Variants in KANK2 observed in about 807,000 individuals in gnomAD.
The protein encoded by KANK2 is KN motif and ankyrin repeat domain-containing protein 2.
Under a neutral mutation model 74.6 loss-of-function variants are expected in KANK2, and 41 were observed. That is an observed-to-expected ratio of 0.55 (90% CI 0.43 to 0.71). KANK2 has a LOEUF of 0.71. Ranked by LOEUF, KANK2 falls within the 30% of genes least tolerant of loss-of-function variation. The pLI, the probability that KANK2 is intolerant of heterozygous loss-of-function variation, is 0.00. For missense variants in KANK2, 1,148 were observed against 1,196.4 expected (o/e 0.96, Z 0.60); for synonymous variants, 537 against 519.0 (o/e 1.03, Z -0.47).
rs1161007953 is a variant in KANK2, at chr19:11,193,881, G to A, written c.199C>T (p.Arg67Cys). The A allele has an allele frequency of 2.5e-6, 4 of 1,613,372 alleles. No individual in the cohort carries two copies. The highest frequency in any genetic ancestry group is 2.2e-5 in the East Asian group (1 of 44,890). Residue 67 changes from arginine (R) to cysteine (C), a missense_variant, in exon 4 of 13, where the codon CGC (arginine) becomes TGC (cysteine). By Grantham distance (180) the Arg-to-Cys change is radical. Coordinates refer to ENST00000586659, the MANE Select transcript of KANK2 (RefSeq NM_001136191.3). The surrounding 1 kb of genome is among the most constrained non-coding windows in gnomAD (Gnocchi z 9.6). ...CGGGGCAGCGAGCTCAGGCGGGGGC[G>A]GCGCTGCACTGCCACGCGTCGCAGC... ...HTLRRVAVQRRPRLSSLPRGP... is the reference protein window; with the variant it reads ...HTLRRVAVQRCPRLSSLPRGP...
Position 11,166,498 on chromosome 19 carries a change from A to T in KANK2, c.*60T>A. The T allele has an allele frequency of 6.7e-7, 1 of 1,484,368 alleles. No individual in the cohort carries two copies. Among genetic ancestry groups the T allele is most frequent in the Non-Finnish European group, 9.4e-7 (1 of 1,062,640 alleles). 91.9% of individuals were successfully genotyped at this position (1,484,368 alleles called of 1,614,324 possible). On this transcript the variant is annotated 3_prime_UTR_variant, in exon 13 of 13. Coordinates refer to ENST00000586659, the MANE Select transcript of KANK2 (RefSeq NM_001136191.3). ...GGGCCAGGGAGGAACGGGAACAGGG[A>T]GGAGACGGGGACAAGGGACGGTTTG...
At position 11,194,500 on chromosome 19, in the gene KANK2, G is replaced by A. The variant is rs749517953; in HGVS notation, c.12C>T (p.Val4=). 7 of 1,612,670 alleles carry A rather than the reference G, an allele frequency of 4.3e-6. No individual in the cohort carries two copies. In the Admixed American group the frequency reaches 1.0e-4, roughly 23 times the overall value. ...CTGGGAAGGGAGCAGGCACGTGCAG[G>A]ACCTGGGCCATCTTCTTTTCTACAG... is the stretch of plus-strand genomic sequence containing the variant. The part of the protein sequence containing the change: MAQ[V]LHVPAPFPGT... Residue 4 remains valine (V), a synonymous_variant, in exon 3 of 13, where the codon GTC becomes GTT. Transcript: ENST00000586659.
intron 10 of KANK2, among the ~76,000 whole-genome samples, chr19:11,171,045 C>T (rs1435144862): frequency 1.3e-5 from 2 of 152,152 alleles, no homozygotes; most frequent in Admixed American, 6.6e-5. Flanking sequence ...TGGTCTCAAT[C>T]TCTTCACCTC....
At chr19:11,173,482 C>T (rs1421683085) in intron 9 of KANK2, among the ~76,000 whole-genome samples, 1 of 152,130 alleles carries the variant, frequency 6.6e-6, no homozygotes, top group East Asian at 1.9e-4. Context: ...GAGGCTGTCT[C>T]CCCCAGTAGG....
At chr19:11,169,075 C>T (rs1203995798) in intron 12 of KANK2, among the ~76,000 whole-genome samples, 5 of 152,146 alleles carry the variant, frequency 3.3e-5, no homozygotes, top group African/African-American at 4.8e-5. Flanking sequence ...CAGTGGCTCA[C>T]GCCTGTAATC....
intron 6 of KANK2, among the ~76,000 whole-genome samples, chr19:11,177,128 C>T (rs1433186747): frequency 8.8e-6 from 1 of 113,680 alleles, no homozygotes; most frequent in Non-Finnish European, 1.7e-5. Flanking sequence ...TGGAGTCTTG[C>T]TCTGTTGCCC....
At chr19:11,167,766 G>T (rs2078063061) in intron 12 of KANK2, among the ~76,000 whole-genome samples, 2 of 151,850 alleles carry the variant, frequency 1.3e-5, no homozygotes, top group Admixed American at 1.3e-4. Context: ...GACCTCAGGT[G>T]ATCTGCCCGC....
At position 11,171,440 on chromosome 19, in the gene KANK2, C is replaced by T. The variant is rs183933821; in HGVS notation, c.2212-1192G>A. 3.9e-3 allele frequency among the ~76,000 whole-genome samples: 587 copies of T among 150,858 alleles called. 3 individuals are homozygous for T. The highest frequency in any genetic ancestry group is 0.013 in the African/African-American group (553 of 41,050). Reference sequence around the variant, plus strand: ...CCAGCCTGGGTGACACAGTGAGACCCTGTCTCAAAAAAATAAAAAATAGAG... The same window carrying T: ...CCAGCCTGGGTGACACAGTGAGACCTTGTCTCAAAAAAATAAAAAATAGAG... On this transcript the variant is annotated intron_variant, in intron 10 of 12. Coordinates refer to ENST00000586659, the MANE Select transcript of KANK2 (RefSeq NM_001136191.3).
intron 8 of KANK2, among the ~76,000 whole-genome samples, chr19:11,175,145 G>T (rs2078297698): frequency 6.6e-6 from 1 of 151,788 alleles, no homozygotes; most frequent in Non-Finnish European, 1.5e-5. Context: ...AATTTGTAGA[G>T]GCTGAGTGCA....
At chr19:11,175,756 G>A in intron 8 of KANK2, 146 bp downstream of exon 8, 2 of 551,762 alleles carry the variant, frequency 3.6e-6, no homozygotes, top group Non-Finnish European at 6.4e-6. Context: ...CATGACTTGA[G>A]CACCACCACC....
In KANK2 at chr19:11,164,962, C is replaced by G. The variant is rs2077991130; in HGVS notation, c.*1596G>C. ...TGGCTTTAAAGCCTTGGAGGCTGAG[C>G]TCACTGGCCTCGAAAGGGCAGCGCG... is the stretch of plus-strand genomic sequence containing the variant. On this transcript the variant is annotated 3_prime_UTR_variant, in exon 13 of 13. Transcript: ENST00000586659. 1 of 152,154 alleles carries G rather than the reference C, an allele frequency of 6.6e-6. No individual in the cohort carries two copies. The highest frequency in any genetic ancestry group is 1.5e-5 in the Non-Finnish European group (1 of 68,042). 9.4% of individuals were successfully genotyped at this position (152,154 alleles called of 1,614,324 possible).
At chr19:11,194,180 A>T in intron 3 of KANK2, 138 bp from the exon 4 acceptor site, 1 of 913,464 alleles carries the variant, frequency 1.1e-6, no homozygotes, top group Non-Finnish European at 1.6e-6. Context: ...GTCTGCTCTC[A>T]GACCCTCCAG....
intron 6 of KANK2, among the ~76,000 whole-genome samples, chr19:11,177,093 CTT>C (rs33941817): frequency 4.8e-5 from 5 of 104,764 alleles, no homozygotes; most frequent in Non-Finnish European, 5.4e-5. Context: ...ACTCACCCTC[CTT>C]TTTTTTTTTT....
Position 11,170,355 on chromosome 19 carries a change from CCCT to C in KANK2, c.2212-110_2212-108del. The C allele has an allele frequency of 1.2e-6, 1 of 828,854 alleles. No homozygotes were observed. The highest frequency in any genetic ancestry group is 2.4e-5 in the Admixed American group (1 of 40,822). 51.3% of individuals were successfully genotyped at this position (828,854 alleles called of 1,614,324 possible). On this transcript the variant is annotated intron_variant, in intron 10 of 12. Coordinates refer to ENST00000586659, the MANE Select transcript of KANK2 (RefSeq NM_001136191.3). The surrounding 1 kb of genome is among the most constrained non-coding windows in gnomAD (Gnocchi z 5.2). ...CCACATACTCTGATGGTGAAATGTA[CCCT>C]CAACTTGCTGATCTCCTCCTGAATC...
chr19:11,185,988 G>A (rs1173081379), intron 4 of KANK2, among the ~76,000 whole-genome samples: 1 of 152,204 alleles, frequency 6.6e-6, no homozygotes, highest in Non-Finnish European at 1.5e-5. Context: ...CTGTGACTGT[G>A]CCACTGCACT....
rs373160813 is a variant in KANK2 at position 11,193,834 on chromosome 19, C to T, written c.246G>A (p.Thr82=). Residue 82 remains threonine, a synonymous_variant, in exon 4 of 13, where the codon ACG becomes ACA. Transcript: ENST00000586659. The surrounding 1 kb of genome is among the most constrained non-coding windows in gnomAD (Gnocchi z 9.6). ...SLPRGPGSWW[T]STESLCSNAS... is the part of the protein sequence containing the mutation. ...CATTGGAGCACAGCGACTCAGTGGA[C>T]GTCCACCAGGAGCCAGGGCCACGGG... 2.3e-5 allele frequency: 37 copies of T among 1,612,544 alleles called. No individual in the cohort carries two copies. Among genetic ancestry groups the T allele is most frequent in the African/African-American group, 6.7e-5 (5 of 74,908 alleles).
At chr19:11,183,796 G>A (rs2078598339) in intron 4 of KANK2, among the ~76,000 whole-genome samples, 1 of 151,872 alleles carries the variant, frequency 6.6e-6, no homozygotes, top group Non-Finnish European at 1.5e-5. Flanking sequence ...GATTACAAGT[G>A]CCCGCTACCA....
At chr19:11,186,484 G>A (rs920636391) in intron 4 of KANK2, among the ~76,000 whole-genome samples, 3 of 152,094 alleles carry the variant, frequency 2.0e-5, no homozygotes, top group Admixed American at 6.6e-5. Context: ...GATCAACTGA[G>A]GTCAGGAGTT....
chr19:11,164,708 A>G lies in KANK2; in HGVS notation c.*1850T>C, dbSNP rs1234173254. 8.4e-5 allele frequency: 7 copies of G among 82,874 alleles called. No homozygotes were observed. Among genetic ancestry groups the G allele is most frequent in the African/African-American group, 3.6e-4 (7 of 19,232 alleles). 5.1% of individuals were successfully genotyped at this position (82,874 alleles called of 1,614,324 possible). A position where few individuals can be genotyped will look rare whatever the true frequency, so the allele number is the denominator to read the frequency against. The stretch of plus-strand genomic sequence containing the variant: ...ATTTACATGCAAACACCATCTATCT[A>G]TTCATCCATCCATCCATCCATCCAT... On this transcript the variant is annotated 3_prime_UTR_variant, in exon 13 of 13. Transcript: ENST00000586659.
Sources: allele counts gnomAD v4.1 joint callset (sites outside exome capture counted in the v4.1 genomes callset), GRCh38; gene constraint gnomAD v4.1.1; non-coding constraint Gnocchi (gnomAD v3.1); transcripts MANE v1.5; gene names NCBI Gene and HGNC (gene_info 2026-07-23, HGNC 2026-07-21).